The following CACNA1C variants were observed in gnomAD, a reference collection of about 807,000 sequenced individuals.
The protein encoded by CACNA1C is calcium voltage-gated channel subunit alpha1 C.
In CACNA1C, 30 loss-of-function variants were observed where a neutral mutation model predicts 229.0. The ratio of observed to expected loss-of-function variants is 0.13; its 90% CI spans 0.10 to 0.18. The LOEUF (loss-of-function observed/expected upper bound fraction) is 0.18, where lower values mean the gene tolerates loss of function less well. CACNA1C is among the 10% of genes least tolerant of loss of function. The probability of loss-of-function intolerance (pLI) is 1.00; values close to 1 mark genes in which losing one functional copy is unlikely to be tolerated. For missense variants in CACNA1C, 1,658 were observed against 2,845.0 expected (o/e 0.58, Z 9.49); for synonymous variants, 1,114 against 1,132.5 (o/e 0.98, Z 0.33).
rs2062040557 is a variant in CACNA1C at position 2,585,399 on chromosome 12, A to T, written c.2363A>T (p.Gln788Leu). Residue 788 changes from glutamine (Q) to leucine (L), a missense_variant, in exon 17 of 47, where the codon CAA becomes CTA. Gln to Leu is a moderately radical substitution (Grantham distance 113). This residue lies in a region of CACNA1C where 121 missense variants were observed against 128.8 expected (regional missense o/e 0.94). Coordinates refer to ENST00000399655, the MANE Select transcript of CACNA1C (RefSeq NM_000719.7). The surrounding 1 kb of genome is among the most constrained non-coding windows in gnomAD (Gnocchi z 4.1). Reference protein sequence around the residue: ...LARTASPEKKQELVEKPAVGE... With the variant: ...LARTASPEKKLELVEKPAVGE... ...AGGACTGCCAGCCCAGAGAAGAAAC[A>T]AGAGTTGGTGGAGAAGCCGGCAGTG... 1 of 1,612,584 alleles carries T rather than the reference A, an allele frequency of 6.2e-7. No individual in the cohort carries two copies. Among genetic ancestry groups the T allele is most frequent in the African/African-American group, 1.3e-5 (1 of 74,910 alleles).
rs2096938904 is a variant in CACNA1C, at chr12:2,678,505, C to CGTGG, written c.5091+639_5091+640insTGGG. Among the ~76,000 whole-genome samples, 1 of 152,200 alleles carries CGTGG rather than the reference C, an allele frequency of 6.6e-6. No individual in the cohort carries two copies. Among genetic ancestry groups the CGTGG allele is most frequent in the Non-Finnish European group, 1.5e-5 (1 of 68,036 alleles). On this transcript the variant is annotated intron_variant, in intron 41 of 46. Coordinates refer to ENST00000399655, the MANE Select transcript of CACNA1C (RefSeq NM_000719.7). The surrounding 1 kb of genome is among the most constrained non-coding windows in gnomAD (Gnocchi z 4.1). Reference sequence around the variant, plus strand: ...CTCATTTGTGTTGCCTGCCTCACCACGCTGGTGTTTGGTTACAAATCCTTC... The same window carrying CGTGG: ...CTCATTTGTGTTGCCTGCCTCACCACGTGGGCTGGTGTTTGGTTACAAATCCTTC...
chr12:2,522,720 T>C (rs1374328561), intron 9 of CACNA1C, among the ~76,000 whole-genome samples: 1 of 152,046 alleles, frequency 6.6e-6, no homozygotes, highest in African/African-American at 2.4e-5. Context: ...GGGGCTCTCC[T>C]GGGCTGGGGG....
At chr12:2,676,853 A>G (rs1417275804) in intron 39 of CACNA1C, 17 of 331,114 alleles carry the variant, frequency 5.1e-5, no homozygotes, top group Non-Finnish European at 3.4e-5. Context: ...GAAAATACTC[A>G]AGAAACTAGA....
intron 3 of CACNA1C, among the ~76,000 whole-genome samples, chr12:2,135,504 T>G (rs11610495): frequency 0.29 from 36,591 of 126,788 alleles, 7,088 homozygotes; most frequent in East Asian, 0.49. Flanking sequence ...GTCCTTTCTG[T>G]TTGTTAGTTT....
chr12:2,518,482 C>T (rs1290805389), intron 9 of CACNA1C, among the ~76,000 whole-genome samples: 2 of 151,980 alleles, frequency 1.3e-5, no homozygotes, highest in East Asian at 1.9e-4. Flanking sequence ...GTGGCGGGCT[C>T]CTGTAGTCCC....
chr12:2,472,161 G>C (rs2099596934), intron 5 of CACNA1C, among the ~76,000 whole-genome samples: 1 of 152,122 alleles, frequency 6.6e-6, no homozygotes, highest in South Asian at 2.1e-4. Flanking sequence ...AAGTTTTCAA[G>C]TTCGGGACTT....
rs540490818 is a variant in CACNA1C, at chr12:2,303,844, C to T, written c.478-145132C>T. Among the ~76,000 whole-genome samples the T allele has an allele frequency of 3.9e-5, 6 of 152,322 alleles. No individual in the cohort carries two copies. The South Asian group carries it at 1.2e-3, about 32-fold the overall frequency. ...GGAGGCCCCCTGTGGACGGGCCTGGCCCAGAAAACCTGTGTGTTTCCCACA... is the reference window on the plus strand; with the variant it reads ...GGAGGCCCCCTGTGGACGGGCCTGGTCCAGAAAACCTGTGTGTTTCCCACA... On this transcript the variant is annotated intron_variant, in intron 3 of 46. Coordinates refer to ENST00000399655, the MANE Select transcript of CACNA1C (RefSeq NM_000719.7).
intron 1 of CACNA1C, among the ~76,000 whole-genome samples, chr12:2,044,155 G>C (rs938102241): frequency 1.8e-4 from 28 of 152,192 alleles, no homozygotes; most frequent in Admixed American, 4.6e-4. Flanking sequence ...GCTATGTAAA[G>C]AGGCAAAAAT....
chr12:2,096,047 G>A (rs1318631246), intron 1 of CACNA1C, among the ~76,000 whole-genome samples: 1 of 152,206 alleles, frequency 6.6e-6, no homozygotes, highest in Non-Finnish European at 1.5e-5. Flanking sequence ...GCACGTCATG[G>A]CCTGCCCTGG....
At chr12:2,542,900 A>G (rs1568326520) in intron 9 of CACNA1C, among the ~76,000 whole-genome samples, 1 of 152,210 alleles carries the variant, frequency 6.6e-6, no homozygotes, top group Non-Finnish European at 1.5e-5. Flanking sequence ...CAATTCGACC[A>G]TACAACTTGC....
intron 1 of CACNA1C, among the ~76,000 whole-genome samples, chr12:2,010,086 C>G (rs2044135498): frequency 6.6e-6 from 1 of 152,102 alleles, no homozygotes; most frequent in Non-Finnish European, 1.5e-5. Flanking sequence ...CTAATAGAAG[C>G]CCAGAAGCGA....
intron 3 of CACNA1C, among the ~76,000 whole-genome samples, chr12:2,276,640 G>A (rs1312730945): frequency 1.3e-5 from 2 of 152,192 alleles, no homozygotes; most frequent in Non-Finnish European, 2.9e-5. Context: ...GACGTTAACA[G>A]CTTCTACACC....
At chr12:2,296,091 C>T (rs539817067) in intron 3 of CACNA1C, among the ~76,000 whole-genome samples, 8 of 152,330 alleles carry the variant, frequency 5.3e-5, no homozygotes, top group African/African-American at 1.9e-4. Flanking sequence ...ATGATTCATG[C>T]ACTGTGCCTT....
In CACNA1C at chr12:2,552,633, C is replaced by T. The variant is rs1196648598; in HGVS notation, c.1481+2600C>T. ...AAGAGCAGGGAGGAATGAGAAGCTG[C>T]AAGAGCCTGACACAGGTGAGAGGTA... On this transcript the variant is annotated intron_variant, in intron 10 of 46. Transcript: ENST00000399655. 2.0e-5 allele frequency among the ~76,000 whole-genome samples: 3 copies of T among 152,164 alleles called. No individual in the cohort carries two copies. In the East Asian group the frequency reaches 5.8e-4, roughly 29 times the overall value.
At position 2,399,678 on chromosome 12, in the gene CACNA1C, G is replaced by C. The variant is rs148238374; in HGVS notation, c.478-49298G>C. ...TGGGGTTTTCATGGGAGCATGGTGA[G>C]CCAAAAGGCAACATTTGGGCAGGAA... On this transcript the variant is annotated intron_variant, in intron 3 of 46. Transcript: ENST00000399655. Among the ~76,000 whole-genome samples the C allele has an allele frequency of 4.6e-3, 698 of 152,334 alleles. 5 individuals carry two copies. Among genetic ancestry groups the C allele is most frequent in the South Asian group, 0.016 (76 of 4,824 alleles).
chr12:2,006,229 G>A (rs1040009142), intron 1 of CACNA1C, among the ~76,000 whole-genome samples: 8 of 152,030 alleles, frequency 5.3e-5, no homozygotes, highest in Non-Finnish European at 1.2e-4. Context: ...CCAACATGGT[G>A]AAACCCCGTC....
chr12:2,203,424 A>G (rs1377372952), intron 3 of CACNA1C, among the ~76,000 whole-genome samples: 1 of 152,166 alleles, frequency 6.6e-6, no homozygotes, highest in African/African-American at 2.4e-5. Flanking sequence ...TTGAAGGTTT[A>G]GGATCCTTGG....
At chr12:2,401,773 G>A (rs898810507) in intron 3 of CACNA1C, among the ~76,000 whole-genome samples, 2 of 152,214 alleles carry the variant, frequency 1.3e-5, no homozygotes, top group Non-Finnish European at 2.9e-5. Flanking sequence ...AACTGATTAC[G>A]TGCCTGGCAG....
At chr12:2,517,594 T>C (rs2099799920) in intron 9 of CACNA1C, among the ~76,000 whole-genome samples, 1 of 152,234 alleles carries the variant, frequency 6.6e-6, no homozygotes, top group Admixed American at 6.5e-5. Flanking sequence ...CCAAGCCCCT[T>C]TTCTCTCTGG....
Sources: gnomAD v4.1 joint callset for allele counts (sites outside exome capture counted in the v4.1 genomes callset) on GRCh38, gnomAD v4.1.1 for gene constraint, gnomAD v4.1.1 regional missense constraint, Gnocchi (gnomAD v3.1) non-coding constraint, MANE v1.5 for transcripts, NCBI Gene and HGNC (gene_info 2026-07-23, HGNC 2026-07-21) for gene names.